The following UGT1A6 variants were observed in gnomAD, a reference collection of about 807,000 sequenced individuals.
UGT1A6 encodes UDP glucuronosyltransferase family 1 member A6, also known as UDP-glucuronosyltransferase 1A6.
In UGT1A6, 32 loss-of-function variants were observed where a neutral mutation model predicts 44.4. That is an observed-to-expected ratio of 0.72 (90% CI 0.54 to 0.97). The LOEUF is 0.97. UGT1A6 is among the 50% of genes least tolerant of loss of function. The pLI is 0.00. For missense variants in UGT1A6, 685 were observed against 661.9 expected, an observed-to-expected ratio of 1.03 and a Z score of -0.38; for synonymous variants, 238 against 248.5, an observed-to-expected ratio of 0.96 and a Z score of 0.40.
chr2:233,744,977 C>G (rs528812849), intron 1 of UGT1A6, among the ~76,000 whole-genome samples: 5 of 151,856 alleles, frequency 3.3e-5, no homozygotes, highest in Non-Finnish European at 7.3e-5. Flanking sequence ...CTTTAAGCCT[C>G]TAGTCATCTC....
At chr2:233,724,379 C>G (rs1274419342) in intron 1 of UGT1A6, among the ~76,000 whole-genome samples, 1 of 145,692 alleles carries the variant, frequency 6.9e-6, no homozygotes, top group South Asian at 2.4e-4. Context: ...GGCTGCCGGG[C>G]GGAGACGCTC....
chr2:233,761,232 A>G, intron 1 of UGT1A6: 1 of 1,613,036 alleles, frequency 6.2e-7, no homozygotes, highest in Non-Finnish European at 8.5e-7. Flanking sequence ...CCCCAGATAT[A>G]TGCTGAGCAA....
intron 1 of UGT1A6, among the ~76,000 whole-genome samples, chr2:233,705,552 T>C (rs2075856587): frequency 1.3e-5 from 2 of 152,186 alleles, no homozygotes; most frequent in Non-Finnish European, 1.5e-5. Flanking sequence ...CAGCTGGTGA[T>C]ATTGCTTGTG....
In UGT1A6 at chr2:233,692,915, C is replaced by T; in HGVS notation, c.-90C>T. 1 of 1,562,208 alleles carries T rather than the reference C, an allele frequency of 6.4e-7. No individual in the cohort carries two copies. The highest frequency in any genetic ancestry group is 8.6e-7 in the Non-Finnish European group (1 of 1,160,050). Reference sequence around the variant, plus strand: ...AGAGGTAGACAGGACCTGTGAAAAGCAGTGGTTAGTTTAGGGAAAATACCT... The same window carrying T: ...AGAGGTAGACAGGACCTGTGAAAAGTAGTGGTTAGTTTAGGGAAAATACCT... On this transcript the variant is annotated 5_prime_UTR_variant, in exon 1 of 5. Coordinates refer to ENST00000305139, the MANE Select transcript of UGT1A6 (RefSeq NM_001072.4).
At chr2:233,763,944 G>T (rs1331783792) in intron 1 of UGT1A6, among the ~76,000 whole-genome samples, 1 of 152,182 alleles carries the variant, frequency 6.6e-6, no homozygotes, top group South Asian at 2.1e-4. Flanking sequence ...AGGAAAGCTT[G>T]GGAGCAGGGA....
At chr2:233,760,915 GT>G in intron 1 of UGT1A6, 1 of 1,614,180 alleles carries the variant, frequency 6.2e-7, no homozygotes, top group Non-Finnish European at 8.5e-7. Context: ...CCTGCAGCGG[GT>G]GAAGAACATG....
intron 1 of UGT1A6, chr2:233,747,421 AAC>A: frequency 1.9e-6 from 3 of 1,607,992 alleles, no homozygotes; most frequent in Non-Finnish European, 2.6e-6. Flanking sequence ...ATGCACATCA[AAC>A]AAGAGAAATT....
chr2:233,767,582 C>A (rs1315665394), intron 2 of UGT1A6, among the ~76,000 whole-genome samples: 1 of 152,138 alleles, frequency 6.6e-6, no homozygotes, highest in Non-Finnish European at 1.5e-5. Context: ...CAAACTTTCC[C>A]TTAAAGTGCA....
intron 1 of UGT1A6, chr2:233,719,836 T>G: frequency 6.5e-7 from 1 of 1,539,550 alleles, no homozygotes; most frequent in Non-Finnish European, 8.7e-7. Context: ...AGGGGCCTAG[T>G]GTATTTCAAG....
At chr2:233,713,388 CATA>C (rs1316037917) in intron 1 of UGT1A6, 2 of 1,614,028 alleles carry the variant, frequency 1.2e-6, no homozygotes, top group Non-Finnish European at 1.7e-6. Flanking sequence ...GGAGCTACTG[CATA>C]ATGAGGCCCT....
In UGT1A6 at chr2:233,747,491, G is replaced by C. The variant is rs1270962387; in HGVS notation, c.862-19543G>C. 1.3e-5 allele frequency: 21 copies of C among 1,608,968 alleles called. No individual in the cohort carries two copies. The East Asian group carries it at 2.7e-4, about 20-fold the overall frequency. On this transcript the variant is annotated intron_variant, in intron 1 of 4. Transcript: ENST00000305139. The stretch of plus-strand genomic sequence containing the variant: ...CCCAGGATGAATTTGATCGCCTTGT[G>C]CTGGGCCACACTCAACTGTACTTTG...
chr2:233,762,588 C>T lies in UGT1A6; in HGVS notation c.862-4446C>T, dbSNP rs557401720. On this transcript the variant is annotated intron_variant, in intron 1 of 4. Coordinates refer to ENST00000305139, the MANE Select transcript of UGT1A6 (RefSeq NM_001072.4). ...TCTAGTTCCCCACAGAGGAACATTA[C>T]AATTTGTATTCCAGGAGTTTTGTTG... is the stretch of plus-strand genomic sequence containing the variant. Among the ~76,000 whole-genome samples, 47 of 152,302 alleles carry T rather than the reference C, an allele frequency of 3.1e-4. No individual in the cohort carries two copies. In the Middle Eastern group the frequency reaches 0.014, roughly 44 times the overall value.
At chr2:233,755,027 C>T (rs759197919) in intron 1 of UGT1A6, 2 of 1,309,218 alleles carry the variant, frequency 1.5e-6, no homozygotes, top group African/African-American at 3.0e-5. Flanking sequence ...CCTTGAAGGG[C>T]CTGCCGCCTG....
chr2:233,705,831 G>A (rs979530051), intron 1 of UGT1A6, among the ~76,000 whole-genome samples: 2 of 152,180 alleles, frequency 1.3e-5, no homozygotes, highest in Non-Finnish European at 2.9e-5. Context: ...CGAGCACAGT[G>A]GCTGGAGCTG....
chr2:233,724,212 T>C (rs2077189500), intron 1 of UGT1A6, among the ~76,000 whole-genome samples: 1 of 120,802 alleles, frequency 8.3e-6, no homozygotes. Context: ...GCTGAGGGGC[T>C]CCTCACTTCC....
intron 1 of UGT1A6, chr2:233,755,763 T>G (rs1382676061): frequency 6.5e-6 from 1 of 152,928 alleles, no homozygotes; most frequent in Non-Finnish European, 1.5e-5. Context: ...TTTGCTTTTG[T>G]TCATCTGGAT....
chr2:233,719,296 C>G, intron 1 of UGT1A6: 1 of 1,613,940 alleles, frequency 6.2e-7, no homozygotes, highest in South Asian at 1.1e-5. Flanking sequence ...CTCTGTGGGG[C>G]GGTGCTGGCT....
In UGT1A6 at chr2:233,767,540, C is replaced by T. The variant is rs570115667; in HGVS notation, c.994-309C>T. Among the ~76,000 whole-genome samples the T allele has an allele frequency of 2.0e-5, 3 of 152,348 alleles. No homozygotes were observed. In the East Asian group the frequency reaches 5.8e-4, roughly 29 times the overall value. On this transcript the variant is annotated intron_variant, in intron 2 of 4. Transcript: ENST00000305139. ...TGAATTTATGTCTTACATTTCTGCT[C>T]TTATAGTTCTGCATCCACTTGTTTC...
rs551912265 is a variant in UGT1A6 at position 233,725,264 on chromosome 2, G to GGAGGCAGAGGCA, written c.861+31441_861+31452dup. ...CAGAGGCAGAGGAGGCAGAGGCAGA[G>GGAGGCAGAGGCA]GAGGCAGAGGCAGAGGCAGAGGCAG... On this transcript the variant is annotated intron_variant, in intron 1 of 4. Transcript: ENST00000305139. Among the ~76,000 whole-genome samples, 48 of 58,548 alleles carry GGAGGCAGAGGCA rather than the reference G, an allele frequency of 8.2e-4. 10 individuals are homozygous for GGAGGCAGAGGCA. Among genetic ancestry groups the GGAGGCAGAGGCA allele is most frequent in the Non-Finnish European group, 1.1e-3 (35 of 32,858 alleles). 38.4% of individuals were successfully genotyped at this position (58,548 alleles called of 152,430 possible). A position where few individuals can be genotyped will look rare whatever the true frequency, so the allele number is the denominator to read the frequency against.
Sources: allele counts gnomAD v4.1 joint callset (sites outside exome capture counted in the v4.1 genomes callset), GRCh38; gene constraint gnomAD v4.1.1; transcripts MANE v1.5; gene names NCBI Gene and HGNC (gene_info 2026-07-23, HGNC 2026-07-21).